COL6A3: variants seen among roughly 807,000 people sequenced by gnomAD.
The protein encoded by COL6A3 is collagen alpha-3(VI) chain.
A neutral mutation model predicts 274.1 loss-of-function variants in COL6A3; 137 were observed. The observed-to-expected ratio is 0.50, with a 90% confidence interval of 0.44 to 0.58. The LOEUF (loss-of-function observed/expected upper bound fraction) is 0.58, where lower values mean the gene tolerates loss of function less well. COL6A3 is among the 20% of genes least tolerant of loss of function. The probability of loss-of-function intolerance (pLI) is 0.00; values close to 1 mark genes in which losing one functional copy is unlikely to be tolerated. For missense variants in COL6A3, 3,950 were observed against 4,124.9 expected, an observed-to-expected ratio of 0.96 and a Z score of 1.16; for synonymous variants, 1,650 against 1,650.6, an observed-to-expected ratio of 1.00 and a Z score of 0.01.
chr2:237,400,060 G>T (rs1304357343), intron 1 of COL6A3, among the ~76,000 whole-genome samples: 1 of 152,202 alleles, frequency 6.6e-6, no homozygotes, highest in Non-Finnish European at 1.5e-5. Context: ...AAATGATATA[G>T]TGTAGACTAC....
intron 39 of COL6A3, 44 bp downstream of exon 39, chr2:237,338,971 C>A (rs1234926350): frequency 6.6e-7 from 1 of 1,512,258 alleles, no homozygotes. Context: ...CTGTGCATTC[C>A]CTGCAGCGCT....
In COL6A3 at chr2:237,372,038, G is replaced by A. The variant is rs144871366; in HGVS notation, c.3979C>T (p.Pro1327Ser). ...CCCTCTTCAATGCGGCTCCCCAGGGGCCTCTTGAAGATGTTCCTGGACACG... is the reference window on the plus strand; with the variant it reads ...CCCTCTTCAATGCGGCTCCCCAGGGACCTCTTGAAGATGTTCCTGGACACG... ...EYVSRNIFKRPLGSRIEEGVP... is the reference protein window; with the variant it reads ...EYVSRNIFKRSLGSRIEEGVP... Residue 1327 changes from proline (P) to serine (S), a missense_variant, in exon 9 of 44, where the codon CCC becomes TCC. Pro to Ser is a moderately conservative substitution (Grantham distance 74, BLOSUM62 -1). Around this residue, in one of 5 missense-constraint regions of COL6A3, gnomAD observed 1,934 missense variants for 1,984.3 expected, o/e 0.97. Transcript: ENST00000295550. 9 of 1,613,898 alleles carry A rather than the reference G, an allele frequency of 5.6e-6. No individual in the cohort carries two copies. The highest frequency in any genetic ancestry group is 5.3e-5 in the African/African-American group (4 of 74,940).
chr2:237,334,482 G>A lies in COL6A3; in HGVS notation c.9229+144C>T, dbSNP rs138126777. ...AGGCTGCCACCAAAGCACCCAGGCT[G>A]AGTTGTTTTGTTGTTGTTGCTGTTG... On this transcript the variant is annotated intron_variant, in intron 41 of 43. Transcript: ENST00000295550. 3.3e-4 allele frequency: 295 copies of A among 889,866 alleles called. 2 individuals are homozygous for A. The African/African-American group carries it at 4.5e-3, about 14-fold the overall frequency. 55.1% of individuals were successfully genotyped at this position (889,866 alleles called of 1,614,324 possible).
At chr2:237,397,165 G>T (rs1296262518) in intron 1 of COL6A3, among the ~76,000 whole-genome samples, 1 of 146,502 alleles carries the variant, frequency 6.8e-6, no homozygotes, top group Non-Finnish European at 1.5e-5. Flanking sequence ...GAAGGGAAGG[G>T]AAGGGAGAAG....
At chr2:237,380,115 A>C (rs1365240873) in intron 5 of COL6A3, among the ~76,000 whole-genome samples, 1 of 138,540 alleles carries the variant, frequency 7.2e-6, no homozygotes, top group Non-Finnish European at 1.5e-5. Flanking sequence ...GTTTTAAGAA[A>C]AATTTTAAAA....
At position 237,361,639 on chromosome 2, in the gene COL6A3, T is replaced by G; in HGVS notation, c.6156+100A>C. 9.0e-7 allele frequency: 1 copy of G among 1,110,396 alleles called. No individual in the cohort carries two copies. 68.8% of individuals were successfully genotyped at this position (1,110,396 alleles called of 1,614,324 possible). A position where few individuals can be genotyped will look rare whatever the true frequency, so the allele number is the denominator to read the frequency against. Reference sequence around the variant, plus strand: ...TAAGAAATGGTCTCTCGTCTCCTCCTTCATCTCCACACTCTTCTGTTAGAG... The same window carrying G: ...TAAGAAATGGTCTCTCGTCTCCTCCGTCATCTCCACACTCTTCTGTTAGAG... On this transcript the variant is annotated intron_variant, in intron 15 of 43. Transcript: ENST00000295550. The surrounding 1 kb of genome is among the most constrained non-coding windows in gnomAD (Gnocchi z 5.1).
chr2:237,353,120 G>C (rs1197452288), intron 25 of COL6A3, among the ~76,000 whole-genome samples: 2 of 152,176 alleles, frequency 1.3e-5, no homozygotes, highest in African/African-American at 2.4e-5. Context: ...ACTCGGGGTG[G>C]AGGGTGATGG....
intron 29 of COL6A3, 82 bp from the exon 30 acceptor site, chr2:237,348,466 G>A (rs1214854316): frequency 1.5e-6 from 2 of 1,359,520 alleles, no homozygotes; most frequent in African/African-American, 1.5e-5. Context: ...AGAAAGAAAT[G>A]TCTGCTGAGT....
rs771258471 is a variant in COL6A3, at chr2:237,344,580, G to A, written c.7438C>T (p.Leu2480=). ...TCCAGACTCTGCTGTTTGGATGTCA[G>A]AGCCACCTGAAGGTTCTTAATCTTG... is the stretch of plus-strand genomic sequence containing the variant. ...LDKIKNLQVA[L]TSKQQSLETA... is the part of the protein sequence containing the mutation. Residue 2480 remains leucine (L), a synonymous_variant, in exon 36 of 44, where the codon CTG becomes TTG. Coordinates refer to ENST00000295550, the MANE Select transcript of COL6A3 (RefSeq NM_004369.4). The surrounding 1 kb of genome is among the most constrained non-coding windows in gnomAD (Gnocchi z 4.8). The A allele has an allele frequency of 6.8e-6, 11 of 1,614,212 alleles. No homozygotes were observed. Among genetic ancestry groups the A allele is most frequent in the Middle Eastern group, 3.3e-4 (2 of 6,062 alleles).
At chr2:237,359,275 T>A (rs748309879) in intron 18 of COL6A3, 25 bp from the exon 19 acceptor site, 1 of 1,614,136 alleles carries the variant, frequency 6.2e-7, no homozygotes, top group Non-Finnish European at 8.5e-7. Context: ...GGCGGACAGG[T>A]AAGTATAGAA....
chr2:237,331,224 T>C (rs1227148109), intron 42 of COL6A3, among the ~76,000 whole-genome samples: 1 of 152,250 alleles, frequency 6.6e-6, no homozygotes, highest in African/African-American at 2.4e-5. Flanking sequence ...AAAATATACA[T>C]GCAACTACTG....
chr2:237,400,712 C>G (rs74955409), intron 1 of COL6A3, among the ~76,000 whole-genome samples: 1 of 151,974 alleles, frequency 6.6e-6, no homozygotes, highest in Non-Finnish European at 1.5e-5. Flanking sequence ...TAATCCTTCT[C>G]AAACTTTTCT....
chr2:237,353,031 C>T (rs1326535222), intron 25 of COL6A3, among the ~76,000 whole-genome samples: 6 of 152,136 alleles, frequency 3.9e-5, no homozygotes, highest in Non-Finnish European at 1.5e-5. Context: ...CACAAAGCTG[C>T]CTAGTAAATG....
chr2:237,369,310 C>T (rs866621255), intron 9 of COL6A3, 133 bp from the exon 10 acceptor site: 17 of 1,271,244 alleles, frequency 1.3e-5, no homozygotes, highest in Middle Eastern at 2.4e-4. Flanking sequence ...GTTTGTATCT[C>T]GGGCTTTTTG....
At position 237,345,122 on chromosome 2, in the gene COL6A3, AAG is replaced by A. The variant is rs769429098; in HGVS notation, c.7126-30_7126-29del. 6 of 1,614,004 alleles carry A rather than the reference AAG, an allele frequency of 3.7e-6. No homozygotes were observed. The Admixed American group carries it at 8.3e-5, about 22-fold the overall frequency. On this transcript the variant is annotated intron_variant, in intron 33 of 43. Coordinates refer to ENST00000295550, the MANE Select transcript of COL6A3 (RefSeq NM_004369.4). ...TTAAAAGAAAATAAAAGAATATGTAAAGAGAGCAAATCAAAGGCTCATGAGGT... is the reference window on the plus strand; with the variant it reads ...TTAAAAGAAAATAAAAGAATATGTAAAGAGCAAATCAAAGGCTCATGAGGT...
At chr2:237,408,602 C>T (rs953127301) in intron 1 of COL6A3, among the ~76,000 whole-genome samples, 4 of 152,148 alleles carry the variant, frequency 2.6e-5, no homozygotes, top group African/African-American at 7.2e-5. Context: ...GAAATTAAAC[C>T]GAGCCATGAG....
intron 26 of COL6A3, among the ~76,000 whole-genome samples, chr2:237,351,963 T>C (rs963235548): frequency 1.3e-5 from 2 of 152,222 alleles, no homozygotes; most frequent in East Asian, 3.8e-4. Flanking sequence ...CAATATCATC[T>C]CAGCCATGAG....
chr2:237,367,042 T>C lies in COL6A3; in HGVS notation c.5145A>G (p.Arg1715=), dbSNP rs2077571591. 2 of 1,614,238 alleles carry C rather than the reference T, an allele frequency of 1.2e-6. No individual in the cohort carries two copies. The highest frequency in any genetic ancestry group is 2.2e-5 in the East Asian group (1 of 44,882). The change falls in exon 11 of 44, where the codon AGA becomes AGG. Residue 1715 remains arginine, a synonymous_variant. Transcript: ENST00000295550. The stretch of plus-strand genomic sequence containing the variant: ...CAAGGCCCACCTTAGTGTTGGCGTG[T>C]CTTCCCCCTTTGTAGACCACTTTGT... ...AINKVVYKGG[R]HANTKVGLEH...
Position 237,365,623 on chromosome 2 carries a change from G to A in COL6A3, c.5838+75C>T, listed in dbSNP as rs1407710667. 2.5e-5 allele frequency: 33 copies of A among 1,298,938 alleles called. No individual in the cohort carries two copies. The East Asian group carries it at 7.6e-4, about 30-fold the overall frequency. The allele number at this position is 1,298,938 out of a possible 1,614,324, so 80.5% of individuals were successfully genotyped here. A position where few individuals can be genotyped will look rare whatever the true frequency, so the allele number is the denominator to read the frequency against. On this transcript the variant is annotated intron_variant, in intron 12 of 43. Transcript: ENST00000295550. ...GAAACATGAAGAGGATTTAACTTGG[G>A]GGAAGGGCTTCCTCCTTTCCAGTAA...
Sources: allele counts gnomAD v4.1 joint callset (sites outside exome capture counted in the v4.1 genomes callset), GRCh38; gene constraint gnomAD v4.1.1; regional missense constraint gnomAD v4.1.1; non-coding constraint Gnocchi (gnomAD v3.1); transcripts MANE v1.5; gene names NCBI Gene and HGNC (gene_info 2026-07-23, HGNC 2026-07-21).